Variants in RPGRIP1L observed in about 807,000 individuals in gnomAD.
RPGRIP1L encodes the protein RPGRIP1 like.
A neutral mutation model predicts 160.4 loss-of-function variants in RPGRIP1L; 131 were observed. That is an observed-to-expected ratio of 0.82 (90% CI 0.71 to 0.94). The LOEUF (loss-of-function observed/expected upper bound fraction) is 0.94, where lower values mean the gene tolerates loss of function less well. RPGRIP1L is among the 40% of genes least tolerant of loss of function. The pLI is 0.00. For missense variants in RPGRIP1L, 1,522 were observed against 1,535.8 expected (o/e 0.99, Z 0.15); for synonymous variants, 510 against 515.8 (o/e 0.99, Z 0.15).
chr16:53,607,431 T>G (rs1180979567), intron 25 of RPGRIP1L, among the ~76,000 whole-genome samples: 1 of 152,176 alleles, frequency 6.6e-6, no homozygotes, highest in African/African-American at 2.4e-5. Context: ...ATCATTCAAT[T>G]AAGTAAGAGG....
intron 3 of RPGRIP1L, chr16:53,695,932 T>C: frequency 2.0e-6 from 1 of 496,982 alleles, no homozygotes; most frequent in Non-Finnish European, 3.6e-6. Flanking sequence ...ATTAGCTTTT[T>C]TCATTTAAAT....
At chr16:53,674,972 C>A (rs1969036269) in intron 7 of RPGRIP1L, 45 bp downstream of exon 7, 3 of 1,293,140 alleles carry the variant, frequency 2.3e-6, no homozygotes, top group South Asian at 1.2e-5. Context: ...CTTTTGAATC[C>A]TTTGCATCTC....
chr16:53,679,062 T>C (rs1377581167), intron 6 of RPGRIP1L, among the ~76,000 whole-genome samples: 1 of 152,222 alleles, frequency 6.6e-6, no homozygotes, highest in Non-Finnish European at 1.5e-5. Flanking sequence ...CTTGACTTCA[T>C]AGGTGAAAAC....
chr16:53,688,603 A>G (rs1481145600), intron 4 of RPGRIP1L, among the ~76,000 whole-genome samples: 2 of 152,068 alleles, frequency 1.3e-5, no homozygotes, highest in Non-Finnish European at 2.9e-5. Context: ...TAATTATGTG[A>G]GTTATTTTAC....
chr16:53,617,316 A>G lies in RPGRIP1L; in HGVS notation c.3616+1709T>C, dbSNP rs553700306. On this transcript the variant is annotated intron_variant, in intron 24 of 26. Coordinates refer to ENST00000647211, the MANE Select transcript of RPGRIP1L (RefSeq NM_015272.5). ...TGTTGCCAGTCCAACCAAATATTCTACTCCTGACCTTTACAAAGAATAATA... is the reference window on the plus strand; with the variant it reads ...TGTTGCCAGTCCAACCAAATATTCTGCTCCTGACCTTTACAAAGAATAATA... Among the ~76,000 whole-genome samples the G allele has an allele frequency of 1.5e-4, 23 of 152,094 alleles. No homozygotes were observed. The South Asian group carries it at 4.6e-3, about 30-fold the overall frequency.
chr16:53,653,201 T>C, intron 14 of RPGRIP1L: 2 of 613,464 alleles, frequency 3.3e-6, no homozygotes, highest in Non-Finnish European at 4.1e-6. Flanking sequence ...AATTGCAACT[T>C]CAGTTTTAAT....
intron 4 of RPGRIP1L, among the ~76,000 whole-genome samples, chr16:53,689,730 G>C (rs894111187): frequency 1.3e-5 from 2 of 152,168 alleles, no homozygotes; most frequent in Non-Finnish European, 2.9e-5. Flanking sequence ...GGTAGTCCTG[G>C]AGAGCCTGTT....
chr16:53,683,447 T>C (rs1180918844), intron 6 of RPGRIP1L, among the ~76,000 whole-genome samples: 1 of 152,176 alleles, frequency 6.6e-6, no homozygotes, highest in African/African-American at 2.4e-5. Flanking sequence ...AAAGAACTAC[T>C]GTGATTTTTG....
Position 53,619,228 on chromosome 16 carries a change from A to C in RPGRIP1L, c.3433-20T>G. 6.3e-7 allele frequency: 1 copy of C among 1,599,604 alleles called. No individual in the cohort carries two copies. Among genetic ancestry groups the C allele is most frequent in the Non-Finnish European group, 8.6e-7 (1 of 1,168,518 alleles). On this transcript the variant is annotated intron_variant, in intron 23 of 26. Coordinates refer to ENST00000647211, the MANE Select transcript of RPGRIP1L (RefSeq NM_015272.5). The stretch of plus-strand genomic sequence containing the variant: ...TGATGGCTGTTTAAAGAGCAAAAAC[A>C]AAAAACAACAAAGAAATAAAATAAT...
intron 22 of RPGRIP1L, among the ~76,000 whole-genome samples, chr16:53,635,251 C>T (rs1360564792): frequency 6.6e-6 from 1 of 152,172 alleles, no homozygotes; most frequent in East Asian, 1.9e-4. Flanking sequence ...ACGTTGCCAA[C>T]ATACACATGG....
At chr16:53,678,609 A>G (rs1201109154) in intron 6 of RPGRIP1L, among the ~76,000 whole-genome samples, 1 of 152,184 alleles carries the variant, frequency 6.6e-6, no homozygotes, top group African/African-American at 2.4e-5. Flanking sequence ...AAAGCTAAAA[A>G]AAAGCTTCCT....
At chr16:53,683,873 G>A (rs1969789321) in intron 6 of RPGRIP1L, among the ~76,000 whole-genome samples, 1 of 152,076 alleles carries the variant, frequency 6.6e-6, no homozygotes. Flanking sequence ...AAATGTCAGA[G>A]ATGACAAAAA....
rs1598240950 is a variant in RPGRIP1L, at chr16:53,618,934, G to C, written c.3616+91C>G. 8.5e-6 allele frequency: 9 copies of C among 1,055,562 alleles called. No individual in the cohort carries two copies. In the East Asian group the frequency reaches 2.2e-4, roughly 26 times the overall value. 65.4% of individuals were successfully genotyped at this position (1,055,562 alleles called of 1,614,324 possible). A position where few individuals can be genotyped will look rare whatever the true frequency, so the allele number is the denominator to read the frequency against. ...CTTCCATGAATTTATGTGAATATTAGAGAAATAAACTTTCTCTCTGTTCTT... is the reference window on the plus strand; with the variant it reads ...CTTCCATGAATTTATGTGAATATTACAGAAATAAACTTTCTCTCTGTTCTT... On this transcript the variant is annotated intron_variant, in intron 24 of 26. Coordinates refer to ENST00000647211, the MANE Select transcript of RPGRIP1L (RefSeq NM_015272.5).
intron 17 of RPGRIP1L, among the ~76,000 whole-genome samples, chr16:53,641,800 G>T (rs1966240401): frequency 6.6e-6 from 1 of 152,132 alleles, no homozygotes; most frequent in Non-Finnish European, 1.5e-5. Context: ...ATTAAATTCA[G>T]ACATTATTCA....
intron 22 of RPGRIP1L, among the ~76,000 whole-genome samples, chr16:53,627,598 T>C (rs1209386885): frequency 2.0e-5 from 3 of 152,232 alleles, no homozygotes; most frequent in Non-Finnish European, 4.4e-5. Flanking sequence ...TTGAAGTTGG[T>C]TGTATCATTC....
rs768545485 is a variant in RPGRIP1L at position 53,696,282 on chromosome 16, T to C, written c.99A>G (p.Thr33=). 6 of 1,613,988 alleles carry C rather than the reference T, an allele frequency of 3.7e-6. No homozygotes were observed. Among genetic ancestry groups the C allele is most frequent in the Non-Finnish European group, 4.2e-6 (5 of 1,179,936 alleles). ...GMGGLQETST[T]RTMKSRQAVS... is the part of the protein sequence containing the mutation. ...CTGCCTGGCGAGACTTCATTGTCCG[T>C]GTTGTTGAAGTTTCTGCAAAAATGC... Residue 33 remains threonine, a synonymous_variant, in exon 3 of 27, where the codon ACA becomes ACG. Transcript: ENST00000647211.
intron 6 of RPGRIP1L, among the ~76,000 whole-genome samples, chr16:53,686,076 G>A (rs1598400421): frequency 6.6e-6 from 1 of 152,114 alleles, no homozygotes; most frequent in East Asian, 1.9e-4. Context: ...CTGGACTTAT[G>A]TACAAGATAT....
At position 53,652,755 on chromosome 16, in the gene RPGRIP1L, T is replaced by C. The variant is rs1377559161; in HGVS notation, c.1932A>G (p.Thr644=). 1.2e-6 allele frequency: 2 copies of C among 1,613,938 alleles called. No individual in the cohort carries two copies. Among genetic ancestry groups the C allele is most frequent in the Non-Finnish European group, 1.7e-6 (2 of 1,179,824 alleles). ...TYAFYDFELQ[T]TPVVRGLHPE... ...GATGAAGGCCTCGCACTACGGGAGT[T>C]GTCTGTAGTTCAAAATCATAGAAAG... Residue 644 remains threonine (T), a synonymous_variant, in exon 15 of 27, where the codon ACA becomes ACG. Transcript: ENST00000647211.
chr16:53,655,739 G>A (rs1967200908), intron 14 of RPGRIP1L: 1 of 152,272 alleles, frequency 6.6e-6, no homozygotes, highest in Non-Finnish European at 1.5e-5. Context: ...ACCTCTAGGG[G>A]TAGGGCCCAG....
Sources: allele counts gnomAD v4.1 joint callset (sites outside exome capture counted in the v4.1 genomes callset), GRCh38; gene constraint gnomAD v4.1.1; transcripts MANE v1.5; gene names NCBI Gene and HGNC (gene_info 2026-07-23, HGNC 2026-07-21).